The following ANO6 variants were observed in gnomAD, a reference collection of about 807,000 sequenced individuals.
ANO6 encodes the protein anoctamin 6, also known as anoctamin-6.
ANO6 carries 106 observed loss-of-function variants against 117.5 expected under a neutral mutation model. The observed-to-expected ratio is 0.90, with a 90% CI of 0.77 to 1.06. The LOEUF is 1.06. ANO6 is among the 50% of genes least tolerant of loss of function. The pLI is 0.00. For missense variants in ANO6, 955 were observed against 1,121.1 expected, an observed-to-expected ratio of 0.85 and a Z score of 2.12; for synonymous variants, 367 against 385.1, an observed-to-expected ratio of 0.95 and a Z score of 0.55.
intron 3 of ANO6, among the ~76,000 whole-genome samples, chr12:45,338,551 A>G (rs1380706224): frequency 1.3e-5 from 2 of 152,126 alleles, no homozygotes; most frequent in Non-Finnish European, 2.9e-5. Flanking sequence ...GAGTGAAGTC[A>G]GATCTATCTT....
chr12:45,433,888 G>A (rs1210730975), downstream of ANO6, among the ~76,000 whole-genome samples: 1 of 152,198 alleles, frequency 6.6e-6, no homozygotes, highest in Non-Finnish European at 1.5e-5. Context: ...TATTTGGGGA[G>A]ATGTTTTCCT....
intron 19 of ANO6, among the ~76,000 whole-genome samples, chr12:45,424,100 C>A (rs1943434001): frequency 6.6e-6 from 1 of 151,514 alleles, no homozygotes. Flanking sequence ...TGACTCATGT[C>A]AGTATCTGAC....
intron 8 of ANO6, among the ~76,000 whole-genome samples, chr12:45,362,852 A>G (rs1215540648): frequency 6.6e-6 from 1 of 152,200 alleles, no homozygotes; most frequent in Admixed American, 6.5e-5. Context: ...CATCATGCAA[A>G]TTACAACTTA....
At chr12:45,356,970 A>C (rs373766679) in intron 7 of ANO6, among the ~76,000 whole-genome samples, 1 of 152,202 alleles carries the variant, frequency 6.6e-6, no homozygotes, top group Non-Finnish European at 1.5e-5. Flanking sequence ...AGAATGTGTA[A>C]AATAGTGCTG....
chr12:45,280,967 T>C (rs958834502), intron 1 of ANO6, among the ~76,000 whole-genome samples: 2 of 152,198 alleles, frequency 1.3e-5, no homozygotes, highest in Non-Finnish European at 2.9e-5. Context: ...CTCCCATCTG[T>C]CATCTTTCTG....
chr12:45,429,352 T>TA lies in ANO6; in HGVS notation c.*41_*42insA. ...AGAAGCACTTTAAGGAATTTAGCTT[T>TA]GTCAAAATATATTAGGAATCACTAA... On this transcript the variant is annotated 3_prime_UTR_variant, in exon 20 of 20. Coordinates refer to ENST00000320560, the MANE Select transcript of ANO6 (RefSeq NM_001025356.3). The TA allele has an allele frequency of 6.3e-7, 1 of 1,599,198 alleles. No individual in the cohort carries two copies. The highest frequency in any genetic ancestry group is 8.5e-7 in the Non-Finnish European group (1 of 1,173,058).
chr12:45,231,094 A>G (rs1371931658), intron 1 of ANO6, among the ~76,000 whole-genome samples: 1 of 152,202 alleles, frequency 6.6e-6, no homozygotes, highest in East Asian at 1.9e-4. Flanking sequence ...GCCACAAAAC[A>G]AGATTCTGTC....
chr12:45,409,574 A>G, intron 16 of ANO6, 87 bp downstream of exon 16: 1 of 1,432,026 alleles, frequency 7.0e-7, no homozygotes, highest in Non-Finnish European at 9.7e-7. Context: ...AGCCATATTA[A>G]CATTTAGCAT....
intron 10 of ANO6, among the ~76,000 whole-genome samples, chr12:45,380,573 A>C (rs1051257764): frequency 2.0e-5 from 3 of 152,194 alleles, no homozygotes; most frequent in African/African-American, 7.2e-5. Flanking sequence ...GACTCTGTTC[A>C]GCCCAGTTTC....
chr12:45,379,150 A>C (rs372215727), intron 10 of ANO6, among the ~76,000 whole-genome samples: 2 of 152,334 alleles, frequency 1.3e-5, no homozygotes, highest in South Asian at 4.1e-4. Context: ...AAGGCAGAGG[A>C]AAAAACTGAA....
intron 8 of ANO6, among the ~76,000 whole-genome samples, chr12:45,365,595 G>A (rs901364016): frequency 1.3e-5 from 2 of 152,138 alleles, no homozygotes; most frequent in Non-Finnish European, 2.9e-5. Context: ...CTTCTCTGAG[G>A]ATGGGGTTTT....
At chr12:45,329,550 A>T (rs768736500) in intron 2 of ANO6, among the ~76,000 whole-genome samples, 1 of 152,106 alleles carries the variant, frequency 6.6e-6, no homozygotes, top group Non-Finnish European at 1.5e-5. Context: ...GCCTGGAGCC[A>T]TGTACAGATG....
intron 18 of ANO6, 38 bp downstream of exon 18, chr12:45,421,311 C>G: frequency 6.3e-7 from 1 of 1,583,986 alleles, no homozygotes; most frequent in South Asian, 1.1e-5. Flanking sequence ...TGCACTTCAT[C>G]TTTAAAAGGG....
intron 3 of ANO6, among the ~76,000 whole-genome samples, chr12:45,344,122 G>T (rs1941062437): frequency 6.6e-6 from 1 of 152,176 alleles, no homozygotes; most frequent in South Asian, 2.1e-4. Context: ...GAAAGCACAT[G>T]AATAAACGTT....
chr12:45,411,378 ATAGTATC>A (rs1565761459), intron 16 of ANO6, among the ~76,000 whole-genome samples: 2 of 152,360 alleles, frequency 1.3e-5, no homozygotes, highest in African/African-American at 4.8e-5. Context: ...TGTTATCTAA[ATAGTATC>A]TAATGACTTA....
At chr12:45,229,920 A>C (rs1346610973) in intron 1 of ANO6, among the ~76,000 whole-genome samples, 1 of 138,990 alleles carries the variant, frequency 7.2e-6, no homozygotes, top group Non-Finnish European at 1.5e-5. Flanking sequence ...CTTCATACGA[A>C]ACGGTTGTAT....
chr12:45,382,295 T>G lies in ANO6; in HGVS notation c.1165+4182T>G, dbSNP rs190976526. Among the ~76,000 whole-genome samples, 216 of 152,262 alleles carry G rather than the reference T, an allele frequency of 1.4e-3. 2 individuals are homozygous for G. The highest frequency in any genetic ancestry group is 5.0e-3 in the African/African-American group (206 of 41,548). The stretch of plus-strand genomic sequence containing the variant: ...CAGACCCTTCTTTCTATCGGAAAAA[T>G]AAGAAACCACCCATCTTCCAGCCTA... On this transcript the variant is annotated intron_variant, in intron 10 of 19. Transcript: ENST00000320560.
At chr12:45,346,239 C>T (rs1226519079) in intron 3 of ANO6, among the ~76,000 whole-genome samples, 1 of 152,162 alleles carries the variant, frequency 6.6e-6, no homozygotes, top group Non-Finnish European at 1.5e-5. Context: ...CTTCATTTCA[C>T]AAAGCAGTAT....
At chr12:45,218,885 G>C (rs1448654150) in intron 1 of ANO6, among the ~76,000 whole-genome samples, 5 of 152,102 alleles carry the variant, frequency 3.3e-5, no homozygotes, top group Admixed American at 3.3e-4. Context: ...AAACCCACTT[G>C]GGTACGGAAG....
Sources: gnomAD v4.1 joint callset for allele counts (sites outside exome capture counted in the v4.1 genomes callset) on GRCh38, gnomAD v4.1.1 for gene constraint, MANE v1.5 for transcripts, NCBI Gene and HGNC (gene_info 2026-07-23, HGNC 2026-07-21) for gene names.